FAM163A: variants seen among roughly 807,000 people sequenced by gnomAD.
The protein encoded by FAM163A is family with sequence similarity 163 member A.
Under a neutral mutation model 12.0 loss-of-function variants are expected in FAM163A, and 7 were observed. That is an observed-to-expected ratio of 0.58 (90% CI 0.33 to 1.10). The LOEUF is 1.10. FAM163A is among the 50% of genes least tolerant of loss of function. FAM163A has a pLI of 0.03. For missense variants in FAM163A, 202 were observed against 218.6 expected (o/e 0.92, Z 0.48); for synonymous variants, 101 against 91.0 (o/e 1.11, Z -0.62).
At chr1:179,741,035 T>A (rs185194393), upstream of FAM163A, among the ~76,000 whole-genome samples, 1 of 152,160 alleles carries the variant, frequency 6.6e-6, no homozygotes, top group Non-Finnish European at 1.5e-5. Context: ...ATACTTGCAG[T>A]CTCTAACTGA....
At chr1:179,750,909 T>C (rs117760942) in intron 1 of FAM163A, among the ~76,000 whole-genome samples, 1 of 152,090 alleles carries the variant, frequency 6.6e-6, no homozygotes, top group East Asian at 1.9e-4. Flanking sequence ...TTCGAGATGG[T>C]AAAATGGAGA....
At chr1:179,799,130 G>A (rs1448178127) in intron 1 of FAM163A, among the ~76,000 whole-genome samples, 1 of 149,422 alleles carries the variant, frequency 6.7e-6, no homozygotes, top group Non-Finnish European at 1.5e-5. Flanking sequence ...TGAAACAAGT[G>A]TTTCACTGCT....
At chr1:179,745,488 G>A (rs1189845628) in intron 1 of FAM163A, among the ~76,000 whole-genome samples, 1 of 152,170 alleles carries the variant, frequency 6.6e-6, no homozygotes, top group Admixed American at 6.5e-5. Flanking sequence ...GGATTTTCCT[G>A]ATCTGCAAAC....
chr1:179,776,416 G>A (rs1266424650), intron 1 of FAM163A, among the ~76,000 whole-genome samples: 1 of 150,338 alleles, frequency 6.7e-6, no homozygotes, highest in African/African-American at 2.5e-5. Flanking sequence ...GCTTAAACCT[G>A]GAAGATGGAG....
chr1:179,733,986 A>C, the FAM163A span, among the ~76,000 whole-genome samples: 1 of 152,212 alleles, frequency 6.6e-6, no homozygotes, highest in Non-Finnish European at 1.5e-5. Context: ...AATTTTAGAA[A>C]GGTAAATTGG....
At chr1:179,799,925 GA>G (rs1183130771) in intron 1 of FAM163A, among the ~76,000 whole-genome samples, 4 of 152,248 alleles carry the variant, frequency 2.6e-5, no homozygotes, top group Admixed American at 6.5e-5. Context: ...GGAAGGATCA[GA>G]AAAGTCTGGG....
intron 1 of FAM163A, among the ~76,000 whole-genome samples, chr1:179,753,614 G>A (rs549029137): frequency 5.5e-4 from 83 of 152,274 alleles, no homozygotes; most frequent in Non-Finnish European, 8.5e-4. Flanking sequence ...CTCTCCTGGG[G>A]TAACTGGAGA....
At chr1:179,734,656 C>T in the FAM163A span, among the ~76,000 whole-genome samples, 2 of 152,198 alleles carry the variant, frequency 1.3e-5, no homozygotes, top group African/African-American at 4.8e-5. Context: ...TAATCCCATT[C>T]ACCTAATCAC....
At chr1:179,767,725 A>G (rs527809410) in intron 1 of FAM163A, among the ~76,000 whole-genome samples, 1 of 152,284 alleles carries the variant, frequency 6.6e-6, no homozygotes, top group African/African-American at 2.4e-5. Context: ...CCACAGAAGG[A>G]GAATCCTGGT....
intron 1 of FAM163A, among the ~76,000 whole-genome samples, chr1:179,744,468 T>G (rs945885045): frequency 7.2e-5 from 11 of 151,854 alleles, no homozygotes; most frequent in African/African-American, 2.4e-4. Context: ...GGGCCCTGGG[T>G]GGGTGGCATC....
At chr1:179,782,344 G>A (rs1483464076) in intron 1 of FAM163A, among the ~76,000 whole-genome samples, 1 of 152,086 alleles carries the variant, frequency 6.6e-6, no homozygotes, top group African/African-American at 2.4e-5. Flanking sequence ...CTAATGTAAG[G>A]CTGTGGGGGC....
chr1:179,813,610 T>C (rs1694993591), intron 4 of FAM163A, among the ~76,000 whole-genome samples, 169 bp from the exon 5 acceptor site: 1 of 152,138 alleles, frequency 6.6e-6, no homozygotes, highest in Non-Finnish European at 1.5e-5. Context: ...AAAGCAGTAC[T>C]GGCCTTGCAA....
chr1:179,763,289 T>G (rs187624007), intron 1 of FAM163A, among the ~76,000 whole-genome samples: 147 of 152,350 alleles, frequency 9.6e-4, no homozygotes, highest in African/African-American at 3.4e-3. Flanking sequence ...AAAGGGTAAC[T>G]TCTACTCTCT....
At chr1:179,789,304 C>T (rs1393696604) in intron 1 of FAM163A, among the ~76,000 whole-genome samples, 2 of 152,152 alleles carry the variant, frequency 1.3e-5, no homozygotes, top group Non-Finnish European at 2.9e-5. Context: ...GCCTCAGCCT[C>T]CCAAGTATCT....
At chr1:179,775,936 A>C (rs1047429626) in intron 1 of FAM163A, among the ~76,000 whole-genome samples, 2 of 152,094 alleles carry the variant, frequency 1.3e-5, no homozygotes, top group African/African-American at 4.8e-5. Flanking sequence ...GGCGGAAAAG[A>C]TTTATTCCTA....
intron 1 of FAM163A, among the ~76,000 whole-genome samples, chr1:179,793,015 GA>G (rs147410189): frequency 0.031 from 4,454 of 145,122 alleles, 242 homozygotes; most frequent in African/African-American, 0.11. Context: ...AGAATATCAT[GA>G]AAAAAAAAAG....
At chr1:179,753,794 G>A (rs186918468) in intron 1 of FAM163A, among the ~76,000 whole-genome samples, 23 of 152,274 alleles carry the variant, frequency 1.5e-4, no homozygotes, top group East Asian at 9.6e-4. Flanking sequence ...AGAAAGACTC[G>A]GTGAAGAGAG....
At chr1:179,806,816 T>C (rs1422963816) in intron 1 of FAM163A, among the ~76,000 whole-genome samples, 1 of 152,156 alleles carries the variant, frequency 6.6e-6, no homozygotes, top group Admixed American at 6.5e-5. Flanking sequence ...AGATCAACAC[T>C]GTCCTGGCCG....
At chr1:179,785,172 C>T (rs1015628655) in intron 1 of FAM163A, among the ~76,000 whole-genome samples, 1 of 152,190 alleles carries the variant, frequency 6.6e-6, no homozygotes, top group South Asian at 2.1e-4. Flanking sequence ...ACTCCCACCC[C>T]CCATTCCTCA....
Sources: allele counts gnomAD v4.1 joint callset (sites outside exome capture counted in the v4.1 genomes callset), GRCh38; gene constraint gnomAD v4.1.1; transcripts MANE v1.5; gene names NCBI Gene and HGNC (gene_info 2026-07-23, HGNC 2026-07-21).